The following NHLRC2 variants were observed in gnomAD, a reference collection of about 807,000 sequenced individuals.
NHLRC2 encodes NHL repeat containing 2, also known as NHL repeat-containing protein 2.
Under a neutral mutation model 68.1 loss-of-function variants are expected in NHLRC2, and 33 were observed. That is an observed-to-expected ratio of 0.48 (90% CI 0.37 to 0.65). NHLRC2 has a LOEUF of 0.65. Among genes scored for constraint, NHLRC2 ranks in the 30% least tolerant of loss-of-function variants. The probability of loss-of-function intolerance (pLI) is 0.00; values close to 1 mark genes in which losing one functional copy is unlikely to be tolerated. For missense variants in NHLRC2, 761 were observed against 853.8 expected, an observed-to-expected ratio of 0.89 and a Z score of 1.35; for synonymous variants, 311 against 309.6, an observed-to-expected ratio of 1.00 and a Z score of -0.05.
In NHLRC2 at chr10:113,917,127, C is replaced by T. The variant is rs1174633691; in HGVS notation, c.*8591C>T. ...ATGTGTTTATACTGTATATGGAAAC[C>T]TAATGCCTCTTTTCTAAAGCTTTGT... On this transcript the variant is annotated 3_prime_UTR_variant, in exon 11 of 11. Coordinates refer to ENST00000369301, the MANE Select transcript of NHLRC2 (RefSeq NM_198514.4). 2 of 151,968 alleles carry T rather than the reference C, an allele frequency of 1.3e-5. No individual in the cohort carries two copies. The highest frequency in any genetic ancestry group is 4.8e-5 in the African/African-American group (2 of 41,368). The allele number at this position is 151,968 out of a possible 1,614,324, so 9.4% of individuals were successfully genotyped here. A position where few individuals can be genotyped will look rare whatever the true frequency, so the allele number is the denominator to read the frequency against.
intron 1 of NHLRC2, 127 bp downstream of exon 1, chr10:113,855,177 C>T: frequency 2.5e-6 from 2 of 815,826 alleles, no homozygotes; most frequent in Non-Finnish European, 4.0e-6. Context: ...GGCCCTTCGC[C>T]TAACTTGGGC....
rs1589551839 is a variant in NHLRC2, at chr10:113,912,260, A to T, written c.*3724A>T. The T allele has an allele frequency of 6.6e-6, 1 of 152,334 alleles. No individual in the cohort carries two copies. The highest frequency in any genetic ancestry group is 1.9e-4 in the East Asian group (1 of 5,190). 9.4% of individuals were successfully genotyped at this position (152,334 alleles called of 1,614,324 possible). ...TTAGTAATTAATGAAACTGGTAATT[A>T]TTAGCTTAGTTACTGTAATGATAAT... On this transcript the variant is annotated 3_prime_UTR_variant, in exon 11 of 11. Transcript: ENST00000369301.
At chr10:113,881,223 CCTT>C (rs997776820) in intron 4 of NHLRC2, among the ~76,000 whole-genome samples, 42 of 151,780 alleles carry the variant, frequency 2.8e-4, no homozygotes, top group Admixed American at 2.3e-3. Context: ...GAGTACTTGT[CCTT>C]CTTTTTTAAT....
intron 10 of NHLRC2, among the ~76,000 whole-genome samples, chr10:113,905,385 A>T (rs1366305614): frequency 6.6e-6 from 1 of 152,194 alleles, no homozygotes; most frequent in East Asian, 1.9e-4. Flanking sequence ...AAATAGAGAA[A>T]GTGGAGCCCT....
At chr10:113,863,074 G>A (rs371724515) in intron 2 of NHLRC2, among the ~76,000 whole-genome samples, 16 of 152,190 alleles carry the variant, frequency 1.1e-4, no homozygotes, top group African/African-American at 3.6e-4. Context: ...AAAATTGACA[G>A]AATTGAGGGG....
chr10:113,878,335 C>T (rs1846004305), intron 3 of NHLRC2, among the ~76,000 whole-genome samples: 1 of 152,052 alleles, frequency 6.6e-6, no homozygotes, highest in South Asian at 2.1e-4. Flanking sequence ...ATTGTAGGTA[C>T]AGTAGACACT....
intron 5 of NHLRC2, among the ~76,000 whole-genome samples, chr10:113,897,424 G>A (rs1846186596): frequency 6.6e-6 from 1 of 152,128 alleles, no homozygotes; most frequent in South Asian, 2.1e-4. Context: ...GTTTGTAAAT[G>A]TATTTATGTT....
chr10:113,874,548 ATGTAT>A lies in NHLRC2; in HGVS notation c.332-1971_332-1967del, dbSNP rs557116893. 4.0e-3 allele frequency among the ~76,000 whole-genome samples: 589 copies of A among 147,786 alleles called. 2 individuals carry two copies. The highest frequency in any genetic ancestry group is 0.014 in the African/African-American group (548 of 39,998). Reference sequence around the variant, plus strand: ...TATGATGTGTCTAGACATGGTTTTAATGTATTTTATTTTGTGTGTGTTGAGCTTGA... The same window carrying A: ...TATGATGTGTCTAGACATGGTTTTAATTTATTTTGTGTGTGTTGAGCTTGA... On this transcript the variant is annotated intron_variant, in intron 2 of 10. Coordinates refer to ENST00000369301, the MANE Select transcript of NHLRC2 (RefSeq NM_198514.4).
At chr10:113,890,912 C>G (rs773122731) in intron 5 of NHLRC2, among the ~76,000 whole-genome samples, 1 of 152,126 alleles carries the variant, frequency 6.6e-6, no homozygotes, top group Non-Finnish European at 1.5e-5. Context: ...GGAAACAAGG[C>G]ACATCTTACT....
chr10:113,872,110 C>T (rs757032436), intron 2 of NHLRC2, among the ~76,000 whole-genome samples: 7 of 152,022 alleles, frequency 4.6e-5, no homozygotes, highest in Admixed American at 4.6e-4. Context: ...ATATCACCAG[C>T]TCTTACAAGA....
chr10:113,868,222 A>T (rs537853959), intron 2 of NHLRC2, among the ~76,000 whole-genome samples: 8 of 152,100 alleles, frequency 5.3e-5, no homozygotes, highest in Non-Finnish European at 1.0e-4. Context: ...ACAATTTTTG[A>T]TATAGTTTCT....
chr10:113,888,861 A>T (rs556300482), intron 5 of NHLRC2, among the ~76,000 whole-genome samples: 1 of 142,002 alleles, frequency 7.0e-6, no homozygotes, highest in Admixed American at 7.4e-5. Context: ...GAGGCTCGCC[A>T]TATCACCTAG....
At chr10:113,902,024 C>T (rs1487964658) in intron 7 of NHLRC2, 127 bp downstream of exon 7, 8 of 658,392 alleles carry the variant, frequency 1.2e-5, no homozygotes, top group Non-Finnish European at 2.1e-5. Context: ...AAATGAAAGT[C>T]AGACCAAAGG....
At chr10:113,869,260 G>C (rs1845899789) in intron 2 of NHLRC2, among the ~76,000 whole-genome samples, 1 of 152,170 alleles carries the variant, frequency 6.6e-6, no homozygotes, top group Non-Finnish European at 1.5e-5. Context: ...TTACTACAGA[G>C]ATGTCCTAGA....
chr10:113,858,315 GATAT>G (rs1165176614), intron 1 of NHLRC2, among the ~76,000 whole-genome samples: 2 of 151,492 alleles, frequency 1.3e-5, no homozygotes, highest in African/African-American at 2.4e-5. Flanking sequence ...CAGTCATAAA[GATAT>G]ATCTTTTATT....
chr10:113,908,716 A>G lies in NHLRC2; in HGVS notation c.*180A>G. On this transcript the variant is annotated 3_prime_UTR_variant, in exon 11 of 11. Transcript: ENST00000369301. ...CTTACTTACTTCTTTTATTATAAACAAATTCCTTTGCTTTGGCTGATACTA... is the reference window on the plus strand; with the variant it reads ...CTTACTTACTTCTTTTATTATAAACGAATTCCTTTGCTTTGGCTGATACTA... 1.6e-6 allele frequency: 1 copy of G among 613,954 alleles called. No individual in the cohort carries two copies. Among genetic ancestry groups the G allele is most frequent in the Non-Finnish European group, 2.8e-6 (1 of 354,122 alleles). 38.0% of individuals were successfully genotyped at this position (613,954 alleles called of 1,614,324 possible). A position where few individuals can be genotyped will look rare whatever the true frequency, so the allele number is the denominator to read the frequency against.
intron 5 of NHLRC2, among the ~76,000 whole-genome samples, chr10:113,892,752 C>T (rs937114640): frequency 8.6e-5 from 13 of 152,044 alleles, no homozygotes; most frequent in African/African-American, 2.2e-4. Flanking sequence ...TGAGCAAGGA[C>T]TCTGGAGCCA....
chr10:113,855,529 G>A (rs1024984755), intron 1 of NHLRC2, among the ~76,000 whole-genome samples: 2 of 151,758 alleles, frequency 1.3e-5, no homozygotes, highest in Non-Finnish European at 2.9e-5. Flanking sequence ...GTACAGTGGC[G>A]TGATCTTGGC....
chr10:113,855,825 G>A, intron 1 of NHLRC2, among the ~76,000 whole-genome samples: 1 of 152,116 alleles, frequency 6.6e-6, no homozygotes, highest in Admixed American at 6.5e-5. Context: ...AAACACTTGA[G>A]GGGATACCTA....
Sources: allele counts gnomAD v4.1 joint callset (sites outside exome capture counted in the v4.1 genomes callset), GRCh38; gene constraint gnomAD v4.1.1; transcripts MANE v1.5; gene names NCBI Gene and HGNC (gene_info 2026-07-23, HGNC 2026-07-21).